The following STK32B variants were observed in gnomAD, a reference collection of about 807,000 sequenced individuals.
The protein encoded by STK32B is serine/threonine kinase 32B.
STK32B carries 43 observed loss-of-function variants against 52.6 expected under a neutral mutation model. The ratio of observed to expected loss-of-function variants is 0.82; its 90% confidence interval spans 0.64 to 1.05. The LOEUF (loss-of-function observed/expected upper bound fraction) is 1.05. Ranked by LOEUF, STK32B falls within the 50% of genes least tolerant of loss-of-function variation. The probability of loss-of-function intolerance (pLI) is 0.00; values close to 1 mark genes in which losing one functional copy is unlikely to be tolerated. For missense variants in STK32B, 621 were observed against 534.6 expected (o/e 1.16, Z -1.59); for synonymous variants, 238 against 204.3 (o/e 1.17, Z -1.41).
intron 6 of STK32B, among the ~76,000 whole-genome samples, chr4:5,426,283 G>T (rs1713085248): frequency 6.6e-6 from 1 of 152,134 alleles, no homozygotes; most frequent in Non-Finnish European, 1.5e-5. Context: ...CATTCTAATA[G>T]GTCAGTCGTG....
intron 6 of STK32B, among the ~76,000 whole-genome samples, chr4:5,421,769 G>T (rs1024129933): frequency 1.9e-4 from 29 of 152,182 alleles, no homozygotes; most frequent in Admixed American, 1.9e-3. Context: ...GACCTGTATT[G>T]GGACCTCGCT....
intron 3 of STK32B, among the ~76,000 whole-genome samples, chr4:5,251,131 T>TA (rs1301929566): frequency 2.0e-5 from 3 of 152,208 alleles, no homozygotes. Context: ...AAACCTTTTC[T>TA]AGGCCCAATG....
chr4:5,110,272 C>G (rs1359591261), intron 1 of STK32B, among the ~76,000 whole-genome samples: 1 of 106,720 alleles, frequency 9.4e-6, no homozygotes, highest in Non-Finnish European at 1.9e-5. Flanking sequence ...CATATGGAAC[C>G]AAAAAAAAAA....
chr4:5,127,962 C>T (rs1198236076), intron 1 of STK32B, among the ~76,000 whole-genome samples: 1 of 152,212 alleles, frequency 6.6e-6, no homozygotes, highest in Non-Finnish European at 1.5e-5. Context: ...TAAGATGTGA[C>T]TTTGCTCCTC....
chr4:5,218,392 G>A (rs952200961), intron 3 of STK32B, among the ~76,000 whole-genome samples: 1 of 152,188 alleles, frequency 6.6e-6, no homozygotes, highest in Non-Finnish European at 1.5e-5. Flanking sequence ...TCTTGGAATA[G>A]GCTTGTAATG....
At chr4:5,361,932 G>A (rs1212481041) in intron 4 of STK32B, among the ~76,000 whole-genome samples, 2 of 152,150 alleles carry the variant, frequency 1.3e-5, no homozygotes, top group East Asian at 3.9e-4. Flanking sequence ...TTGCAGTTTG[G>A]AAGATGCTAA....
the STK32B span, among the ~76,000 whole-genome samples, chr4:5,030,943 A>C: frequency 1.6e-3 from 246 of 152,332 alleles, 2 homozygotes; most frequent in African/African-American, 5.6e-3. Context: ...GGCTGATTTT[A>C]AGTAATTGAG....
intron 3 of STK32B, among the ~76,000 whole-genome samples, chr4:5,315,590 A>G (rs1730617956): frequency 6.6e-6 from 1 of 152,140 alleles, no homozygotes; most frequent in South Asian, 2.1e-4. Flanking sequence ...TCTCAACATC[A>G]AGTACTAATT....
At chr4:5,462,006 G>C (rs927599365) in intron 9 of STK32B, among the ~76,000 whole-genome samples, 5 of 152,180 alleles carry the variant, frequency 3.3e-5, no homozygotes, top group African/African-American at 1.2e-4. Context: ...TTCAGGTAGA[G>C]CTCTCTGCTG....
At chr4:5,159,615 A>G (rs1181323094) in intron 2 of STK32B, among the ~76,000 whole-genome samples, 1 of 122,296 alleles carries the variant, frequency 8.2e-6, no homozygotes, top group Non-Finnish European at 1.6e-5. Context: ...ATATGAATAT[A>G]TATGAATATA....
chr4:5,235,863 TAGG>T (rs1330769116), intron 3 of STK32B, among the ~76,000 whole-genome samples: 1 of 152,158 alleles, frequency 6.6e-6, no homozygotes, highest in Non-Finnish European at 1.5e-5. Flanking sequence ...TGTAGACACA[TAGG>T]AGAGGAGATG....
intron 3 of STK32B, among the ~76,000 whole-genome samples, chr4:5,233,513 G>T (rs1038477186): frequency 6.6e-6 from 1 of 152,090 alleles, no homozygotes; most frequent in Non-Finnish European, 1.5e-5. Flanking sequence ...AAGTAGAGGG[G>T]ACGGAAAGGT....
At chr4:5,422,221 G>A (rs1712702172) in intron 6 of STK32B, among the ~76,000 whole-genome samples, 1 of 152,232 alleles carries the variant, frequency 6.6e-6, no homozygotes, top group Admixed American at 6.5e-5. Flanking sequence ...GTACCAGGCA[G>A]TGGGAGTTTA....
intron 3 of STK32B, among the ~76,000 whole-genome samples, chr4:5,298,539 G>A (rs978496502): frequency 6.6e-6 from 1 of 152,170 alleles, no homozygotes; most frequent in African/African-American, 2.4e-5. Context: ...CTGTGCTGCA[G>A]TGGGTTCCGC....
intron 1 of STK32B, among the ~76,000 whole-genome samples, chr4:5,109,572 A>G (rs1714283181): frequency 6.6e-6 from 1 of 152,224 alleles, no homozygotes; most frequent in Non-Finnish European, 1.5e-5. Context: ...ATTTTATAAA[A>G]TCCAGCAGTC....
chr4:5,257,564 C>T (rs916497028), intron 3 of STK32B, among the ~76,000 whole-genome samples: 1 of 152,216 alleles, frequency 6.6e-6, no homozygotes, highest in African/African-American at 2.4e-5. Context: ...ATCCTCTGCT[C>T]ACAGCAGCTA....
At chr4:5,114,595 T>C (rs1447598609) in intron 1 of STK32B, among the ~76,000 whole-genome samples, 1 of 152,192 alleles carries the variant, frequency 6.6e-6, no homozygotes, top group East Asian at 1.9e-4. Context: ...ACTAGACTGC[T>C]TTAATTAAAT....
intron 3 of STK32B, among the ~76,000 whole-genome samples, chr4:5,323,238 CTT>C (rs1418591578): frequency 6.6e-6 from 1 of 152,108 alleles, no homozygotes; most frequent in African/African-American, 2.4e-5. Context: ...CTTGCTACCT[CTT>C]GAGTTCTGAA....
At chr4:5,306,952 C>T (rs533794024) in intron 3 of STK32B, among the ~76,000 whole-genome samples, 1 of 152,232 alleles carries the variant, frequency 6.6e-6, no homozygotes, top group South Asian at 2.1e-4. Context: ...TTTAAGGAGG[C>T]TAAAGATAGG....
Sources: gnomAD v4.1 joint callset for allele counts (sites outside exome capture counted in the v4.1 genomes callset) on GRCh38, gnomAD v4.1.1 for gene constraint, MANE v1.5 for transcripts, NCBI Gene and HGNC (gene_info 2026-07-23, HGNC 2026-07-21) for gene names.